Variants in PDZD2 observed in about 807,000 individuals in gnomAD.
The protein encoded by PDZD2 is PDZ domain-containing protein 2.
In PDZD2, 90 loss-of-function variants were observed where a neutral mutation model predicts 220.7. The observed-to-expected ratio is 0.41, with a 90% CI of 0.34 to 0.49. The LOEUF (loss-of-function observed/expected upper bound fraction) is 0.49, where lower values mean the gene tolerates loss of function less well. Ranked by LOEUF, PDZD2 falls within the 20% of genes least tolerant of loss-of-function variation. PDZD2 has a pLI of 0.28. For synonymous variants in PDZD2, 1,375 were observed against 1,450.5 expected (o/e 0.95, Z 1.18); for missense variants, 3,174 against 3,608.5 (o/e 0.88, Z 3.08).
chr5:31,931,965 C>T (rs907857962), intron 2 of PDZD2, among the ~76,000 whole-genome samples: 1 of 152,110 alleles, frequency 6.6e-6, no homozygotes, highest in African/African-American at 2.4e-5. Flanking sequence ...AAGGGAGCTG[C>T]CTCCCCAAAT....
chr5:32,000,522 T>G lies in PDZD2; in HGVS notation c.1254+251T>G, dbSNP rs943011045. ...TTTTGTTTTTGTTTTTGTTTTTGTT[T>G]TTTTTGAGACGGAGTTTCACTCTTG... is the stretch of plus-strand genomic sequence containing the variant. On this transcript the variant is annotated intron_variant, in intron 5 of 24. Coordinates refer to ENST00000438447, the MANE Select transcript of PDZD2 (RefSeq NM_178140.4). The surrounding 1 kb of genome is among the most constrained non-coding windows in gnomAD (Gnocchi z 4.5). Among the ~76,000 whole-genome samples the G allele has an allele frequency of 1.5e-5, 2 of 133,090 alleles. No individual in the cohort carries two copies. Among genetic ancestry groups the G allele is most frequent in the African/African-American group, 5.4e-5 (2 of 37,214 alleles). 87.3% of individuals were successfully genotyped at this position (133,090 alleles called of 152,430 possible).
chr5:31,675,720 G>A (rs953973033), intron 1 of PDZD2, among the ~76,000 whole-genome samples: 6 of 151,666 alleles, frequency 4.0e-5, no homozygotes, highest in African/African-American at 7.3e-5. Flanking sequence ...ATTTTTAGAC[G>A]GGCTCCCACT....
At chr5:31,968,630 G>C (rs1389761560) in intron 2 of PDZD2, among the ~76,000 whole-genome samples, 1 of 151,980 alleles carries the variant, frequency 6.6e-6, no homozygotes, top group East Asian at 1.9e-4. Flanking sequence ...ACTCTAACCT[G>C]GGCAACAAGA....
At chr5:31,857,706 G>A (rs1240999418) in intron 2 of PDZD2, among the ~76,000 whole-genome samples, 1 of 152,108 alleles carries the variant, frequency 6.6e-6, no homozygotes, top group African/African-American at 2.4e-5. Context: ...GTAAGACTTG[G>A]TGTGAGTCTT....
chr5:31,841,926 A>C (rs1757331951), intron 2 of PDZD2, among the ~76,000 whole-genome samples: 1 of 151,498 alleles, frequency 6.6e-6, no homozygotes, highest in Non-Finnish European at 1.5e-5. Flanking sequence ...AGCCGAGATC[A>C]TGCCATTGCA....
Position 32,089,848 on chromosome 5 carries a change from C to G in PDZD2, c.6400C>G (p.Arg2134Gly). The change falls in exon 20 of 25, where the codon CGC (arginine) becomes GGC (glycine). Residue 2134 changes from arginine (R) to glycine (G), a missense_variant. Coordinates refer to ENST00000438447, the MANE Select transcript of PDZD2 (RefSeq NM_178140.4). ...GGAGAAGAGTGAAATCAGGCTCTATCGCCAGGTCGCAGAATCATCCACAAG... is the reference window on the plus strand; with the variant it reads ...GGAGAAGAGTGAAATCAGGCTCTATGGCCAGGTCGCAGAATCATCCACAAG... ...CQEKSEIRLY[R>G]QVAESSTSHP... 1 of 1,613,282 alleles carries G rather than the reference C, an allele frequency of 6.2e-7. No individual in the cohort carries two copies. Among genetic ancestry groups the G allele is most frequent in the South Asian group, 1.1e-5 (1 of 91,044 alleles).
intron 3 of PDZD2, among the ~76,000 whole-genome samples, chr5:31,992,194 T>C (rs1036813790): frequency 8.5e-5 from 13 of 152,144 alleles, no homozygotes; most frequent in African/African-American, 3.1e-4. Flanking sequence ...TCCTATCTCC[T>C]ACTTTCAATT....
At chr5:31,718,966 C>G (rs1285518911) in intron 1 of PDZD2, among the ~76,000 whole-genome samples, 1 of 152,134 alleles carries the variant, frequency 6.6e-6, no homozygotes, top group African/African-American at 2.4e-5. Flanking sequence ...TCCCAAAGTA[C>G]TGGGATTACA....
intron 1 of PDZD2, among the ~76,000 whole-genome samples, chr5:31,689,353 A>ATATATATATTTTTTTTTTT: frequency 2.6e-4 from 9 of 35,140 alleles, no homozygotes; most frequent in African/African-American, 6.2e-4. Flanking sequence ...ATATATATAT[A>ATATATATATTTTTTTTTTT]TTTTTTTTTT....
At chr5:31,999,292 T>C (rs1475750592) in intron 4 of PDZD2, among the ~76,000 whole-genome samples, 1 of 135,368 alleles carries the variant, frequency 7.4e-6, no homozygotes, top group Non-Finnish European at 1.6e-5. Context: ...TTTTTTTTTT[T>C]GTTTGTTTGT....
chr5:32,054,785 T>C (rs1014293073), intron 10 of PDZD2, among the ~76,000 whole-genome samples: 1 of 152,194 alleles, frequency 6.6e-6, no homozygotes, highest in Non-Finnish European at 1.5e-5. Flanking sequence ...TTATAGTGCT[T>C]TAAACACTTA....
chr5:31,715,356 T>A (rs1188621903), intron 1 of PDZD2, among the ~76,000 whole-genome samples: 1 of 152,190 alleles, frequency 6.6e-6, no homozygotes, highest in Non-Finnish European at 1.5e-5. Context: ...GGATGCCCCA[T>A]GGGAAAGTCA....
At chr5:31,880,791 C>CTTTTTCCTTTTTTTT (rs1739798959) in intron 2 of PDZD2, among the ~76,000 whole-genome samples, 1 of 76,484 alleles carries the variant, frequency 1.3e-5, no homozygotes, top group Admixed American at 1.4e-4. Flanking sequence ...TTTTTTTTTT[C>CTTTTTCCTTTTTTTT]TTTTTTTTTT....
At chr5:31,986,145 C>T (rs1750702600) in intron 3 of PDZD2, among the ~76,000 whole-genome samples, 1 of 151,016 alleles carries the variant, frequency 6.6e-6, no homozygotes, top group South Asian at 2.1e-4. Context: ...ATCACAGTTC[C>T]TTTGCGTTGT....
chr5:31,673,826 C>A (rs1482241111), intron 1 of PDZD2, among the ~76,000 whole-genome samples: 2 of 152,150 alleles, frequency 1.3e-5, no homozygotes, highest in African/African-American at 4.8e-5. Flanking sequence ...CAAAAATTAG[C>A]TGGGTGTGGT....
intron 2 of PDZD2, among the ~76,000 whole-genome samples, chr5:31,889,587 A>C (rs1365976899): frequency 6.6e-6 from 1 of 152,186 alleles, no homozygotes; most frequent in Non-Finnish European, 1.5e-5. Flanking sequence ...ATCTGAGTAT[A>C]AAGGCAGTGG....
chr5:31,741,105 A>G (rs1299754593), intron 1 of PDZD2, among the ~76,000 whole-genome samples: 1 of 152,158 alleles, frequency 6.6e-6, no homozygotes, highest in Non-Finnish European at 1.5e-5. Context: ...ATAATTTTTA[A>G]TAATATACAT....
intron 1 of PDZD2, among the ~76,000 whole-genome samples, chr5:31,652,238 C>T (rs1028002252): frequency 6.6e-6 from 1 of 152,054 alleles, no homozygotes; most frequent in Non-Finnish European, 1.5e-5. Context: ...AGTGATCCTT[C>T]CGCCTTGGCT....
At chr5:31,652,852 A>C (rs1015251727) in intron 1 of PDZD2, among the ~76,000 whole-genome samples, 31 of 152,158 alleles carry the variant, frequency 2.0e-4, no homozygotes, top group Non-Finnish European at 3.4e-4. Flanking sequence ...TTCTGCTAAA[A>C]ATACAGAAAA....
Sources: gnomAD v4.1 joint callset for allele counts (sites outside exome capture counted in the v4.1 genomes callset) on GRCh38, gnomAD v4.1.1 for gene constraint, Gnocchi (gnomAD v3.1) non-coding constraint, MANE v1.5 for transcripts, NCBI Gene and HGNC (gene_info 2026-07-23, HGNC 2026-07-21) for gene names.